The following RBM47 variants were observed in gnomAD, a reference collection of about 807,000 sequenced individuals.
The protein encoded by RBM47 is RNA binding motif protein 47.
In RBM47, 21 loss-of-function variants were observed where a neutral mutation model predicts 47.1. The observed-to-expected ratio is 0.45, with a 90% CI of 0.32 to 0.64. The LOEUF is 0.64. Among genes scored for constraint, RBM47 ranks in the 30% least tolerant of loss-of-function variants. RBM47 has a pLI of 0.05. For missense variants in RBM47, 708 were observed against 870.9 expected (o/e 0.81, Z 2.35); for synonymous variants, 375 against 361.7 (o/e 1.04, Z -0.42).
At chr4:40,493,275 T>C (rs1181414453) in intron 2 of RBM47, among the ~76,000 whole-genome samples, 1 of 152,038 alleles carries the variant, frequency 6.6e-6, no homozygotes, top group Non-Finnish European at 1.5e-5. Context: ...TGCAAACAAA[T>C]TCCAATGCAG....
At chr4:40,531,372 G>T (rs1018149154) in intron 2 of RBM47, among the ~76,000 whole-genome samples, 2 of 151,968 alleles carry the variant, frequency 1.3e-5, no homozygotes, top group African/African-American at 2.4e-5. Context: ...GAGTAGCTGC[G>T]AAGGAGCTGA....
chr4:40,463,648 C>A (rs1379654155), intron 3 of RBM47, among the ~76,000 whole-genome samples: 2 of 151,982 alleles, frequency 1.3e-5, no homozygotes, highest in African/African-American at 4.8e-5. Context: ...TCTGGTGACA[C>A]TGTCTTCTAC....
At chr4:40,588,992 CTTTTTTT>C (rs34195998) in intron 1 of RBM47, among the ~76,000 whole-genome samples, 2,251 of 79,438 alleles carry the variant, frequency 0.028, 18 homozygotes, top group Non-Finnish European at 0.039. Flanking sequence ...TAAAGCGTTT[CTTTTTTT>C]TTTTTTTTTT....
intron 2 of RBM47, among the ~76,000 whole-genome samples, chr4:40,516,481 A>G (rs1245524224): frequency 1.3e-5 from 2 of 151,826 alleles, no homozygotes; most frequent in Non-Finnish European, 1.5e-5. Flanking sequence ...GCTGGTCTCG[A>G]ACTCCTGACT....
At chr4:40,537,892 G>C (rs1195439781) in intron 2 of RBM47, among the ~76,000 whole-genome samples, 1 of 150,930 alleles carries the variant, frequency 6.6e-6, no homozygotes, top group Non-Finnish European at 1.5e-5. Context: ...GAGTGCAGTG[G>C]CACAATCATA....
At chr4:40,604,427 C>A (rs1452362568) in intron 1 of RBM47, among the ~76,000 whole-genome samples, 2 of 152,098 alleles carry the variant, frequency 1.3e-5, no homozygotes, top group Admixed American at 1.3e-4. Context: ...GAGTTTAAAA[C>A]CAGCCTGGGC....
chr4:40,528,020 A>T (rs535216473), intron 2 of RBM47, among the ~76,000 whole-genome samples: 1 of 152,238 alleles, frequency 6.6e-6, no homozygotes, highest in Non-Finnish European at 1.5e-5. Context: ...GTACTAAAAA[A>T]TCAATTCAAC....
intron 3 of RBM47, among the ~76,000 whole-genome samples, chr4:40,457,134 T>C (rs1164356756): frequency 3.3e-5 from 5 of 151,514 alleles, no homozygotes; most frequent in Admixed American, 3.3e-4. Flanking sequence ...TTAAAATTTG[T>C]GGGGGTCGGG....
chr4:40,524,304 A>C (rs889157551), intron 2 of RBM47, among the ~76,000 whole-genome samples: 1 of 152,208 alleles, frequency 6.6e-6, no homozygotes, highest in East Asian at 1.9e-4. Context: ...CAAAGAAGTC[A>C]AGTGAAGCTA....
In RBM47 at chr4:40,424,542, T is replaced by A. The variant is rs140561416; in HGVS notation, c.*1362A>T. The A allele has an allele frequency of 0.011, 1,752 of 152,440 alleles. 9 individuals are homozygous for A. Among genetic ancestry groups the A allele is most frequent in the Non-Finnish European group, 0.015 (1,007 of 68,014 alleles). The allele number at this position is 152,440 out of a possible 1,614,324, so 9.4% of individuals were successfully genotyped here. ...ATGAACTTCTCCAACATAAAAGGAC[T>A]AAAAACAAGCATTAGAAGATATTTA... On this transcript the variant is annotated 3_prime_UTR_variant, in exon 7 of 7. Coordinates refer to ENST00000295971, the MANE Select transcript of RBM47 (RefSeq NM_001098634.2).
chr4:40,426,392 GGAAAGGT>G (rs1191605292), intron 6 of RBM47, among the ~76,000 whole-genome samples: 1 of 152,178 alleles, frequency 6.6e-6, no homozygotes, highest in Non-Finnish European at 1.5e-5. Context: ...GAAGGCTGAG[GGAAAGGT>G]GAAATACAGT....
chr4:40,495,463 G>A (rs776267926), intron 2 of RBM47, among the ~76,000 whole-genome samples: 1 of 152,078 alleles, frequency 6.6e-6, no homozygotes, highest in Non-Finnish European at 1.5e-5. Flanking sequence ...TTAGCCAGGT[G>A]TGGTGGCAGG....
Position 40,437,869 on chromosome 4 carries a change from T to G in RBM47, c.1025A>C (p.Gln342Pro). The G allele has an allele frequency of 6.2e-7, 1 of 1,613,960 alleles. No individual in the cohort carries two copies. The highest frequency in any genetic ancestry group is 8.5e-7 in the Non-Finnish European group (1 of 1,180,024). The change falls in exon 4 of 7, where the codon CAG becomes CCG. Residue 342 changes from glutamine (Q) to proline (P), a missense_variant. Transcript: ENST00000295971. ...GTCGCAGGAGTACACGTAGCTGGGC[T>G]GCTGCGCTGCCTCAGCCGCGCCGCC... is the stretch of plus-strand genomic sequence containing the variant. ...RGGGAAEAAQ[Q>P]PSYVYSCDPY...
intron 3 of RBM47, among the ~76,000 whole-genome samples, chr4:40,465,298 C>T (rs1422959794): frequency 6.6e-6 from 1 of 152,146 alleles, no homozygotes; most frequent in Non-Finnish European, 1.5e-5. Context: ...AATCTTTCTC[C>T]TATCTTCCCT....
intron 1 of RBM47, among the ~76,000 whole-genome samples, chr4:40,603,498 T>C (rs557480626): frequency 1.4e-4 from 21 of 152,244 alleles, no homozygotes; most frequent in South Asian, 4.1e-4. Flanking sequence ...ATAATGTACA[T>C]ATATTTTTAG....
intron 1 of RBM47, among the ~76,000 whole-genome samples, chr4:40,572,665 G>A (rs1731842453): frequency 6.6e-6 from 1 of 152,044 alleles, no homozygotes; most frequent in East Asian, 1.9e-4. Context: ...TTGGGAGACC[G>A]AGATGGGAGG....
intron 1 of RBM47, among the ~76,000 whole-genome samples, chr4:40,591,564 T>C (rs13136754): frequency 0.55 from 83,421 of 151,762 alleles, 23,173 homozygotes; most frequent in Admixed American, 0.64. Context: ...CGTGGTGGCA[T>C]GACCTTGCAA....
chr4:40,618,050 G>A (rs974314984), intron 1 of RBM47, among the ~76,000 whole-genome samples: 6 of 151,848 alleles, frequency 4.0e-5, no homozygotes, highest in African/African-American at 1.5e-4. Context: ...AGACCAGCCT[G>A]GGCTACATTG....
chr4:40,575,552 C>CAAAAAAAAAAAAAAAA (rs33963787), intron 1 of RBM47, among the ~76,000 whole-genome samples: 35 of 98,282 alleles, frequency 3.6e-4, no homozygotes, highest in South Asian at 7.6e-4. Flanking sequence ...AACTCCATCT[C>CAAAAAAAAAAAAAAAA]AAAAAAAAAA....
Sources: allele counts gnomAD v4.1 joint callset (sites outside exome capture counted in the v4.1 genomes callset), GRCh38; gene constraint gnomAD v4.1.1; transcripts MANE v1.5; gene names NCBI Gene and HGNC (gene_info 2026-07-23, HGNC 2026-07-21).